The following AGBL4 variants were observed in gnomAD, a reference collection of about 807,000 sequenced individuals.
AGBL4 encodes the protein AGBL carboxypeptidase 4, also known as cytosolic carboxypeptidase 6.
Under a neutral mutation model 66.4 loss-of-function variants are expected in AGBL4, and 58 were observed. The ratio of observed to expected loss-of-function variants is 0.87; its 90% CI spans 0.71 to 1.09. The LOEUF is 1.09. Ranked by LOEUF, AGBL4 falls within the 50% of genes least tolerant of loss-of-function variation. The pLI, the probability that AGBL4 is intolerant of heterozygous loss-of-function variation, is 0.00. For missense variants in AGBL4, 579 were observed against 631.0 expected, an observed-to-expected ratio of 0.92 and a Z score of 0.88; for synonymous variants, 234 against 222.9, an observed-to-expected ratio of 1.05 and a Z score of -0.44.
chr1:49,549,696 C>T (rs1652800160), intron 3 of AGBL4, among the ~76,000 whole-genome samples: 1 of 151,970 alleles, frequency 6.6e-6, no homozygotes, highest in South Asian at 2.1e-4. Flanking sequence ...GTTTTATGGC[C>T]TATAATATGG....
chr1:48,576,692 CAT>C (rs1644659266), intron 11 of AGBL4, among the ~76,000 whole-genome samples: 1 of 152,116 alleles, frequency 6.6e-6, no homozygotes, highest in Non-Finnish European at 1.5e-5. Context: ...CAATATTCGA[CAT>C]AGAGTAGGGG....
At chr1:49,283,527 T>C (rs962051184) in intron 3 of AGBL4, among the ~76,000 whole-genome samples, 18 of 152,228 alleles carry the variant, frequency 1.2e-4, no homozygotes, top group Non-Finnish European at 1.2e-4. Context: ...GAGAATGACT[T>C]TGACGAGCTG....
rs973613588 is a variant in AGBL4 at position 49,503,352 on chromosome 1, C to T, written c.282+193961G>A. 2.9e-4 allele frequency among the ~76,000 whole-genome samples: 44 copies of T among 152,102 alleles called. 1 individual carries two copies. The highest frequency in any genetic ancestry group is 1.0e-4 in the Non-Finnish European group (7 of 67,996). ...AAAGGTGTGCTTCAGGGGCAGAGCCCTCATGAAGAACTACTGCTAGGGCAG... is the reference window on the plus strand; with the variant it reads ...AAAGGTGTGCTTCAGGGGCAGAGCCTTCATGAAGAACTACTGCTAGGGCAG... On this transcript the variant is annotated intron_variant, in intron 3 of 13. Coordinates refer to ENST00000371839, the MANE Select transcript of AGBL4 (RefSeq NM_032785.4).
intron 1 of AGBL4, among the ~76,000 whole-genome samples, chr1:49,976,579 T>C (rs1489356482): frequency 6.6e-6 from 1 of 152,194 alleles, no homozygotes; most frequent in African/African-American, 2.4e-5. Flanking sequence ...TGATTAAGTA[T>C]AGAGAACACT....
chr1:49,802,485 CTG>C (rs1480858617), intron 2 of AGBL4, among the ~76,000 whole-genome samples: 1 of 152,182 alleles, frequency 6.6e-6, no homozygotes, highest in Non-Finnish European at 1.5e-5. Context: ...TATGGAAAAA[CTG>C]TGTTTCTGTT....
At chr1:49,218,710 T>C (rs1489843238) in intron 4 of AGBL4, among the ~76,000 whole-genome samples, 2 of 152,118 alleles carry the variant, frequency 1.3e-5, no homozygotes, top group African/African-American at 4.8e-5. Context: ...CAGTAGCCCC[T>C]CTGATATGGT....
intron 3 of AGBL4, among the ~76,000 whole-genome samples, chr1:49,679,516 C>A (rs1321915634): frequency 6.6e-6 from 1 of 151,914 alleles, no homozygotes; most frequent in Non-Finnish European, 1.5e-5. Flanking sequence ...AGTCATGCTG[C>A]CAATTTCTGC....
At chr1:49,402,698 G>GTTC (rs2148613846) in intron 3 of AGBL4, among the ~76,000 whole-genome samples, 1 of 151,940 alleles carries the variant, frequency 6.6e-6, no homozygotes, top group African/African-American at 2.4e-5. Flanking sequence ...CTCCTGAGTA[G>GTTC]CTGGGATTAC....
chr1:49,619,941 C>G (rs1645325628), intron 3 of AGBL4, among the ~76,000 whole-genome samples: 1 of 152,140 alleles, frequency 6.6e-6, no homozygotes, highest in Non-Finnish European at 1.5e-5. Flanking sequence ...AAACTGGACC[C>G]CTTCCCTACA....
intron 4 of AGBL4, among the ~76,000 whole-genome samples, chr1:49,123,984 G>A (rs1569696073): frequency 6.6e-6 from 1 of 152,154 alleles, no homozygotes; most frequent in East Asian, 1.9e-4. Flanking sequence ...ACTGATAGAA[G>A]ATGTACTGAT....
At chr1:49,146,077 TAG>T (rs1646212351) in intron 4 of AGBL4, among the ~76,000 whole-genome samples, 1 of 152,136 alleles carries the variant, frequency 6.6e-6, no homozygotes, top group Admixed American at 6.6e-5. Context: ...CTCATGGAGA[TAG>T]AGTTATCAGA....
intron 1 of AGBL4, among the ~76,000 whole-genome samples, chr1:49,966,541 G>A (rs1657577816): frequency 1.3e-5 from 2 of 152,098 alleles, no homozygotes; most frequent in South Asian, 2.1e-4. Flanking sequence ...GATTAAACAT[G>A]CAGACATTAG....
chr1:48,933,486 A>G (rs1006037200), intron 5 of AGBL4, among the ~76,000 whole-genome samples: 5 of 152,168 alleles, frequency 3.3e-5, no homozygotes, highest in African/African-American at 7.2e-5. Flanking sequence ...TTCATCAGAC[A>G]TGATGGCTTG....
At chr1:49,063,099 T>A (rs770082116) in intron 4 of AGBL4, among the ~76,000 whole-genome samples, 3 of 152,160 alleles carry the variant, frequency 2.0e-5, no homozygotes, top group African/African-American at 4.8e-5. Context: ...AATTTGGAAA[T>A]CAGAAGTATA....
chr1:48,657,926 G>A (rs1646046549), intron 7 of AGBL4, among the ~76,000 whole-genome samples: 1 of 152,186 alleles, frequency 6.6e-6, no homozygotes, highest in Non-Finnish European at 1.5e-5. Flanking sequence ...TCCAGGCCAT[G>A]AGCTCCAAGA....
rs1379116224 is a variant in AGBL4, at chr1:48,582,735, G to C, written c.1267+4269C>G. Among the ~76,000 whole-genome samples, 4 of 152,086 alleles carry C rather than the reference G, an allele frequency of 2.6e-5. No homozygotes were observed. In the East Asian group the frequency reaches 7.7e-4, roughly 29 times the overall value. ...GAGTACTATTTTTATTTTACAAATC[G>C]GGAAACAGATTCAGAGTGGTGAGAT... On this transcript the variant is annotated intron_variant, in intron 11 of 13. Coordinates refer to ENST00000371839, the MANE Select transcript of AGBL4 (RefSeq NM_032785.4).
intron 6 of AGBL4, among the ~76,000 whole-genome samples, chr1:48,843,439 T>C (rs1437527815): frequency 1.3e-5 from 2 of 152,146 alleles, no homozygotes; most frequent in African/African-American, 2.4e-5. Flanking sequence ...AGAAATCAGC[T>C]TTAAATGATC....
chr1:49,842,231 GC>G, intron 2 of AGBL4: 1 of 435,712 alleles, frequency 2.3e-6, no homozygotes, highest in Non-Finnish European at 4.5e-6. Context: ...GCTGGAGCCT[GC>G]CCAGAGGGCC....
chr1:49,848,026 A>G (rs928860203), intron 2 of AGBL4, among the ~76,000 whole-genome samples: 2 of 151,988 alleles, frequency 1.3e-5, no homozygotes, highest in Non-Finnish European at 2.9e-5. Flanking sequence ...AATGTTCAAC[A>G]TCATTAAGCA....
Sources: allele counts gnomAD v4.1 joint callset (sites outside exome capture counted in the v4.1 genomes callset), GRCh38; gene constraint gnomAD v4.1.1; transcripts MANE v1.5; gene names NCBI Gene and HGNC (gene_info 2026-07-23, HGNC 2026-07-21).